FMN2: variants seen among roughly 807,000 people sequenced by gnomAD.
FMN2 encodes the protein formin 2.
A neutral mutation model predicts 142.3 loss-of-function variants in FMN2; 51 were observed. The ratio of observed to expected loss-of-function variants is 0.36; its 90% confidence interval spans 0.29 to 0.45. The LOEUF (loss-of-function observed/expected upper bound fraction) is 0.45, where lower values mean the gene tolerates loss of function less well. FMN2 is among the 20% of genes least tolerant of loss of function. FMN2 has a pLI of 1.00. For missense variants in FMN2, 1,936 were observed against 2,122.8 expected, an observed-to-expected ratio of 0.91 and a Z score of 1.73; for synonymous variants, 882 against 869.8, an observed-to-expected ratio of 1.01 and a Z score of -0.25.
At chr1:240,295,136 A>G (rs773826588) in intron 8 of FMN2, among the ~76,000 whole-genome samples, 7 of 152,004 alleles carry the variant, frequency 4.6e-5, no homozygotes, top group Non-Finnish European at 7.4e-5. Flanking sequence ...AAATTTAAAT[A>G]ATAGTACTGA....
In FMN2 at chr1:240,343,583, TTCTA is replaced by T. The variant is rs201869347; in HGVS notation, c.4765+9359_4765+9362del. Among the ~76,000 whole-genome samples the T allele has an allele frequency of 5.2e-3, 798 of 152,272 alleles. 9 individuals carry two copies. The highest frequency in any genetic ancestry group is 0.018 in the African/African-American group (747 of 41,548). On this transcript the variant is annotated intron_variant, in intron 13 of 17. Transcript: ENST00000319653. ...GGAGCAGAGTGGAAAGTGAGCCTGA[TTCTA>T]TCTAATTGGTTAGAACAGGCTTGAG... is the stretch of plus-strand genomic sequence containing the variant.
At chr1:240,356,860 A>T (rs1308538720) in intron 14 of FMN2, among the ~76,000 whole-genome samples, 1 of 152,226 alleles carries the variant, frequency 6.6e-6, no homozygotes, top group Non-Finnish European at 1.5e-5. Flanking sequence ...AGCTTTTTTA[A>T]GATGGGAAAA....
chr1:240,218,042 T>C (rs938073296), intron 6 of FMN2, among the ~76,000 whole-genome samples: 1 of 152,096 alleles, frequency 6.6e-6, no homozygotes, highest in Non-Finnish European at 1.5e-5. Flanking sequence ...CCCAGCACTT[T>C]GGGAGGCCTA....
chr1:240,331,629 T>C (rs190633392), intron 11 of FMN2, among the ~76,000 whole-genome samples: 1 of 152,322 alleles, frequency 6.6e-6, no homozygotes, highest in East Asian at 1.9e-4. Context: ...TAAAAATCTT[T>C]TCTGCCAGCC....
intron 3 of FMN2, among the ~76,000 whole-genome samples, chr1:240,187,456 A>G (rs1335439322): frequency 6.6e-6 from 1 of 152,064 alleles, no homozygotes; most frequent in African/African-American, 2.4e-5. Context: ...CTCATCTGAA[A>G]GGTGCAGAGG....
At chr1:240,195,186 G>A (rs1338313473) in intron 4 of FMN2, among the ~76,000 whole-genome samples, 2 of 152,246 alleles carry the variant, frequency 1.3e-5, no homozygotes, top group East Asian at 1.9e-4. Flanking sequence ...GTGCTTTCAC[G>A]GCCAATCACA....
intron 7 of FMN2, among the ~76,000 whole-genome samples, chr1:240,283,601 A>G (rs1159525307): frequency 6.6e-6 from 1 of 152,214 alleles, no homozygotes; most frequent in East Asian, 1.9e-4. Context: ...CTGGCATGAT[A>G]CAATAATGTC....
rs557240619 is a variant in FMN2, at chr1:240,131,687, C to T, written c.1782+8342C>T. On this transcript the variant is annotated intron_variant, in intron 2 of 17. Transcript: ENST00000319653. ...TCGCACTATTGCACTCCAGCCTGGGCAGCAGAGCGAGACTCTGTCTCAAAA... is the reference window on the plus strand; with the variant it reads ...TCGCACTATTGCACTCCAGCCTGGGTAGCAGAGCGAGACTCTGTCTCAAAA... 7.2e-5 allele frequency among the ~76,000 whole-genome samples: 11 copies of T among 151,856 alleles called. No homozygotes were observed. In the East Asian group the frequency reaches 2.1e-3, roughly 29 times the overall value.
At chr1:240,367,733 A>C (rs1385239388) in intron 14 of FMN2, among the ~76,000 whole-genome samples, 2 of 139,790 alleles carry the variant, frequency 1.4e-5, no homozygotes, top group Non-Finnish European at 3.0e-5. Context: ...ACGCCACTGC[A>C]CTCTAGCCTG....
At chr1:240,141,431 A>G (rs1663178935) in intron 2 of FMN2, among the ~76,000 whole-genome samples, 1 of 152,096 alleles carries the variant, frequency 6.6e-6, no homozygotes. Context: ...GGCTCACTGC[A>G]AACTCCTCCC....
chr1:240,139,152 A>G (rs1040087640), intron 2 of FMN2, among the ~76,000 whole-genome samples: 15 of 152,152 alleles, frequency 9.9e-5, no homozygotes, highest in Admixed American at 3.9e-4. Flanking sequence ...TAGAGGGTAG[A>G]CGTGAGAAGC....
chr1:240,103,492 C>A (rs979347385), intron 1 of FMN2, among the ~76,000 whole-genome samples: 1 of 152,184 alleles, frequency 6.6e-6, no homozygotes, highest in Non-Finnish European at 1.5e-5. Context: ...CTCTTAACAC[C>A]CTCCTTCTGG....
chr1:240,290,548 T>G (rs1472670004), intron 7 of FMN2, among the ~76,000 whole-genome samples: 2 of 152,174 alleles, frequency 1.3e-5, no homozygotes, highest in African/African-American at 4.8e-5. Flanking sequence ...ATTATTTTTC[T>G]ACTATATAAT....
At chr1:240,337,178 T>G (rs1671592558) in intron 13 of FMN2, among the ~76,000 whole-genome samples, 1 of 151,340 alleles carries the variant, frequency 6.6e-6, no homozygotes, top group Non-Finnish European at 1.5e-5. Flanking sequence ...TTGATCAAAG[T>G]AGCCTATTAA....
At chr1:240,246,967 A>G (rs1485078875) in intron 6 of FMN2, among the ~76,000 whole-genome samples, 1 of 152,164 alleles carries the variant, frequency 6.6e-6, no homozygotes, top group Non-Finnish European at 1.5e-5. Flanking sequence ...ACTGAATTCT[A>G]AGAATGTTCT....
At position 240,093,122 on chromosome 1, in the gene FMN2, C is replaced by G; in HGVS notation, c.1013C>G (p.Pro338Arg). ...CCGGGGGAGGAAGCGGCCGGAGCCC[C>G]CGTGCGAGGGGCTGGGGACACGGAT... ...AGPGEEAAGA[P>R]VRGAGDTDEE... is the part of the protein sequence containing the mutation. The change falls in exon 1 of 18, where the codon CCC becomes CGC. Residue 338 changes from proline to arginine, a missense_variant. Pro to Arg is a moderately radical substitution (Grantham distance 103). This residue lies in a region of FMN2 where 751 missense variants were observed against 791.8 expected (regional missense o/e 0.95). Transcript: ENST00000319653. 1 of 1,396,734 alleles carries G rather than the reference C, an allele frequency of 7.2e-7. No individual in the cohort carries two copies. Among genetic ancestry groups the G allele is most frequent in the South Asian group, 1.6e-5 (1 of 61,572 alleles). The allele number at this position is 1,396,734 out of a possible 1,614,324, so 86.5% of individuals were successfully genotyped here.
chr1:240,147,182 TCTTAA>T (rs1409123848), intron 2 of FMN2, among the ~76,000 whole-genome samples: 3 of 152,244 alleles, frequency 2.0e-5, no homozygotes, highest in African/African-American at 7.2e-5. Context: ...AATTAGTTGG[TCTTAA>T]CTTAAATAAC....
chr1:240,211,019 C>T, intron 5 of FMN2, 72 bp from the exon 6 acceptor site: 1 of 1,429,552 alleles, frequency 7.0e-7, no homozygotes, highest in Non-Finnish European at 9.4e-7. Context: ...CCCCTTCTTC[C>T]TTTCTATTTA....
chr1:240,383,314 G>C (rs1340920384), intron 14 of FMN2, among the ~76,000 whole-genome samples: 1 of 152,134 alleles, frequency 6.6e-6, no homozygotes, highest in Non-Finnish European at 1.5e-5. Flanking sequence ...ATAATTGACA[G>C]AGTAAACAGA....
Sources: allele counts gnomAD v4.1 joint callset (sites outside exome capture counted in the v4.1 genomes callset), GRCh38; gene constraint gnomAD v4.1.1; regional missense constraint gnomAD v4.1.1; transcripts MANE v1.5; gene names NCBI Gene and HGNC (gene_info 2026-07-23, HGNC 2026-07-21).